Variants in MED4 observed in about 807,000 individuals in gnomAD.
The protein encoded by MED4 is mediator complex subunit 4, also known as mediator of RNA polymerase II transcription subunit 4.
A neutral mutation model predicts 35.0 loss-of-function variants in MED4; 21 were observed. The observed-to-expected ratio is 0.60, with a 90% CI of 0.43 to 0.86. The LOEUF (loss-of-function observed/expected upper bound fraction) is 0.86. Ranked by LOEUF, MED4 falls within the 40% of genes least tolerant of loss-of-function variation. The pLI, the probability that MED4 is intolerant of heterozygous loss-of-function variation, is 0.00. For synonymous variants in MED4, 138 were observed against 114.0 expected (o/e 1.21, Z -1.34); for missense variants, 300 against 319.4 (o/e 0.94, Z 0.46).
chr13:48,077,912 T>C (rs1950773884), intron 6 of MED4, among the ~76,000 whole-genome samples: 1 of 152,180 alleles, frequency 6.6e-6, no homozygotes. Context: ...GTATCTATTA[T>C]ATGCATATAT....
At chr13:48,083,851 T>C (rs1365635757) in intron 3 of MED4, among the ~76,000 whole-genome samples, 1 of 152,140 alleles carries the variant, frequency 6.6e-6, no homozygotes, top group Non-Finnish European at 1.5e-5. Context: ...ATATATCAGC[T>C]CAATGTTTAA....
intron 3 of MED4, among the ~76,000 whole-genome samples, chr13:48,084,265 CAAAAAAAAAAA>C (rs71099664): frequency 2.7e-5 from 3 of 109,952 alleles, no homozygotes. Flanking sequence ...GACTCTGTCT[CAAAAAAAAAAA>C]AAAAAAAAAA....
chr13:48,091,073 A>G (rs572263598), intron 1 of MED4, among the ~76,000 whole-genome samples: 2 of 152,328 alleles, frequency 1.3e-5, no homozygotes, highest in South Asian at 4.1e-4. Context: ...GTCTTACATA[A>G]CATGATTAGT....
At chr13:48,090,473 C>CATTTTCCTA in intron 1 of MED4, 55 bp from the exon 2 acceptor site, 1 of 1,381,122 alleles carries the variant, frequency 7.2e-7, no homozygotes. Flanking sequence ...ACTGAACACT[C>CATTTTCCTA]AGGGCTACTC....
intron 2 of MED4, among the ~76,000 whole-genome samples, chr13:48,088,239 A>AT (rs1017616936): frequency 3.5e-4 from 53 of 152,348 alleles, no homozygotes; most frequent in African/African-American, 1.2e-3. Context: ...CAGAAAGAAA[A>AT]TATCTATCAA....
intron 1 of MED4, chr13:48,093,757 C>G (rs1950906223): frequency 4.4e-6 from 1 of 227,218 alleles, no homozygotes; most frequent in Non-Finnish European, 9.3e-6. Flanking sequence ...TAGGTGTTTT[C>G]GGGTTTTCTT....
At position 48,077,158 on chromosome 13, in the gene MED4, C is replaced by T; in HGVS notation, c.794G>A (p.Ser265Asn). ...GGTTTTTCAATCAGACTCACTACTA[C>T]TGCTTGAGGAGTCCGTTGACATAAT... ...VEIMSTDSSS[S>N]SSESD The change falls in exon 7 of 7, where the codon AGT becomes AAT. Residue 265 changes from serine to asparagine, a missense_variant. Coordinates refer to ENST00000258648, the MANE Select transcript of MED4 (RefSeq NM_014166.4). 6.2e-7 allele frequency: 1 copy of T among 1,609,038 alleles called. No individual in the cohort carries two copies. Among genetic ancestry groups the T allele is most frequent in the Non-Finnish European group, 8.5e-7 (1 of 1,178,198 alleles).
intron 2 of MED4, among the ~76,000 whole-genome samples, chr13:48,088,460 A>G (rs1950868556): frequency 6.6e-6 from 1 of 152,228 alleles, no homozygotes; most frequent in South Asian, 2.1e-4. Flanking sequence ...AGTAAAGTAT[A>G]TTCTATTTAT....
At chr13:48,088,080 T>TA (rs1950865468) in intron 2 of MED4, among the ~76,000 whole-genome samples, 1 of 152,192 alleles carries the variant, frequency 6.6e-6, no homozygotes, top group African/African-American at 2.4e-5. Context: ...TACATGAAGC[T>TA]ATTGTGAGGA....
At chr13:48,080,598 T>C (rs554206477) in intron 5 of MED4, among the ~76,000 whole-genome samples, 11 of 152,082 alleles carry the variant, frequency 7.2e-5, no homozygotes, top group Non-Finnish European at 8.8e-5. Context: ...AAGAAAATTA[T>C]AATAATCTCA....
At chr13:48,086,250 T>TTA in intron 3 of MED4, 32 bp downstream of exon 3, 1 of 1,598,174 alleles carries the variant, frequency 6.3e-7, no homozygotes, top group Non-Finnish European at 8.5e-7. Flanking sequence ...AACATCCTTT[T>TTA]TAACCTTAAG....
At chr13:48,091,255 T>C (rs1167035374) in intron 1 of MED4, among the ~76,000 whole-genome samples, 1 of 152,230 alleles carries the variant, frequency 6.6e-6, no homozygotes, top group East Asian at 1.9e-4. Flanking sequence ...TTAATAAATA[T>C]GACAATTTCC....
At chr13:48,092,761 G>A (rs1308734050) in intron 1 of MED4, among the ~76,000 whole-genome samples, 3 of 152,184 alleles carry the variant, frequency 2.0e-5, no homozygotes, top group Non-Finnish European at 4.4e-5. Flanking sequence ...AGACATAGAC[G>A]GTTGAGAACC....
At chr13:48,094,873 G>A (rs1308234603) in intron 1 of MED4, 81 bp downstream of exon 1, 52 of 1,558,984 alleles carry the variant, frequency 3.3e-5, no homozygotes, top group Non-Finnish European at 4.4e-5. Flanking sequence ...CCCCGAGAAC[G>A]AGCACAAACG....
chr13:48,082,537 T>C (rs938248720), intron 4 of MED4, among the ~76,000 whole-genome samples: 4 of 152,124 alleles, frequency 2.6e-5, no homozygotes, highest in African/African-American at 4.8e-5. Flanking sequence ...AAAAGAATAT[T>C]AGCTATTTGG....
chr13:48,093,727 G>T, intron 1 of MED4: 1 of 252,234 alleles, frequency 4.0e-6, no homozygotes. Flanking sequence ...AAACACATAA[G>T]CCATTTAATT....
Position 48,086,434 on chromosome 13 carries a change from G to T in MED4, c.211C>A (p.His71Asn). The change falls in exon 3 of 7, where the codon CAC becomes AAC. Residue 71 changes from histidine to asparagine, a missense_variant. His to Asn is a moderately conservative substitution (Grantham distance 68, BLOSUM62 1). Coordinates refer to ENST00000258648, the MANE Select transcript of MED4 (RefSeq NM_014166.4). The part of the protein sequence containing the change: ...EENQVLELLI[H>N]RDGEFQELMK... ...AGTTCTTGAAATTCCCCATCTCGGT[G>T]AATTAACAACTCCAGGACCTGTCAG... 1 of 1,613,386 alleles carries T rather than the reference G, an allele frequency of 6.2e-7. No homozygotes were observed. The highest frequency in any genetic ancestry group is 8.5e-7 in the Non-Finnish European group (1 of 1,179,840).
At chr13:48,091,979 G>A (rs1950893084) in intron 1 of MED4, among the ~76,000 whole-genome samples, 1 of 152,236 alleles carries the variant, frequency 6.6e-6, no homozygotes, top group Non-Finnish European at 1.5e-5. Context: ...AGATGGAGCT[G>A]AGGAGGTGTA....
At chr13:48,085,427 G>A (rs1017032824) in intron 3 of MED4, among the ~76,000 whole-genome samples, 5 of 152,034 alleles carry the variant, frequency 3.3e-5, no homozygotes, top group African/African-American at 4.8e-5. Context: ...GACTGACCTC[G>A]CGATCCACCT....
Sources: allele counts gnomAD v4.1 joint callset (sites outside exome capture counted in the v4.1 genomes callset), GRCh38; gene constraint gnomAD v4.1.1; transcripts MANE v1.5; gene names NCBI Gene and HGNC (gene_info 2026-07-23, HGNC 2026-07-21).